The following PELI2 variants were observed in gnomAD, a reference collection of about 807,000 sequenced individuals.
The protein encoded by PELI2 is pellino E3 ubiquitin protein ligase family member 2.
Under a neutral mutation model 42.3 loss-of-function variants are expected in PELI2, and 23 were observed. That is an observed-to-expected ratio of 0.54 (90% confidence interval 0.39 to 0.77). The LOEUF (loss-of-function observed/expected upper bound fraction) is 0.77. Ranked by LOEUF, PELI2 falls within the 30% of genes least tolerant of loss-of-function variation. The pLI is 0.00. For synonymous variants in PELI2, 245 were observed against 212.2 expected, an observed-to-expected ratio of 1.15 and a Z score of -1.34; for missense variants, 463 against 553.2, an observed-to-expected ratio of 0.84 and a Z score of 1.64.
At chr14:56,246,972 G>C (rs1390286682) in intron 2 of PELI2, among the ~76,000 whole-genome samples, 2 of 152,202 alleles carry the variant, frequency 1.3e-5, no homozygotes, top group Non-Finnish European at 2.9e-5. Context: ...GTGGTAGTGT[G>C]ATACGAGAGT....
At chr14:56,162,734 A>G (rs752902518) in intron 1 of PELI2, among the ~76,000 whole-genome samples, 9 of 152,220 alleles carry the variant, frequency 5.9e-5, no homozygotes, top group Non-Finnish European at 1.2e-4. Flanking sequence ...ACAACAATGT[A>G]CAAGGGTTCC....
chr14:56,157,035 A>C (rs1389007089), intron 1 of PELI2, among the ~76,000 whole-genome samples: 7 of 152,242 alleles, frequency 4.6e-5, no homozygotes, highest in Non-Finnish European at 1.0e-4. Context: ...CATCCATGTA[A>C]AATATAACAT....
intron 1 of PELI2, among the ~76,000 whole-genome samples, chr14:56,170,705 A>G (rs766460263): frequency 6.6e-6 from 1 of 152,352 alleles, no homozygotes; most frequent in South Asian, 2.1e-4. Flanking sequence ...ATGTGAATTA[A>G]TATATGAACT....
intron 2 of PELI2, among the ~76,000 whole-genome samples, chr14:56,210,568 T>A (rs1886678430): frequency 6.6e-6 from 1 of 152,184 alleles, no homozygotes; most frequent in African/African-American, 2.4e-5. Flanking sequence ...AACAGGAGTT[T>A]GTGATCCCAT....
intron 2 of PELI2, among the ~76,000 whole-genome samples, chr14:56,181,456 C>T (rs1885577162): frequency 6.6e-6 from 1 of 151,424 alleles, no homozygotes; most frequent in African/African-American, 2.4e-5. Context: ...GTTTGTGTAC[C>T]CTGAGATTTT....
intron 2 of PELI2, among the ~76,000 whole-genome samples, chr14:56,214,855 C>T (rs980651717): frequency 2.6e-5 from 4 of 152,180 alleles, no homozygotes; most frequent in South Asian, 2.1e-4. Context: ...TCCACAGCCT[C>T]GGGAGAAATG....
intron 1 of PELI2, among the ~76,000 whole-genome samples, chr14:56,176,477 T>C (rs557211030): frequency 1.3e-5 from 2 of 152,294 alleles, no homozygotes; most frequent in South Asian, 4.1e-4. Context: ...ATAAAAGGCA[T>C]GCAGTTAACA....
intron 1 of PELI2, among the ~76,000 whole-genome samples, chr14:56,160,173 G>C (rs781410778): frequency 3.3e-5 from 5 of 152,090 alleles, no homozygotes; most frequent in South Asian, 2.1e-4. Context: ...TGTTAAGTGT[G>C]GTACTAATGA....
intron 2 of PELI2, among the ~76,000 whole-genome samples, chr14:56,245,403 A>G (rs1377597115): frequency 6.6e-6 from 1 of 152,216 alleles, no homozygotes; most frequent in Admixed American, 6.5e-5. Context: ...ATTTAAAAAT[A>G]TATTTTATCA....
chr14:56,200,170 G>A (rs1050561810), intron 2 of PELI2, among the ~76,000 whole-genome samples: 5 of 152,228 alleles, frequency 3.3e-5, no homozygotes, highest in Admixed American at 6.5e-5. Context: ...TGTAACAGAA[G>A]GTATTTCTTC....
In PELI2 at chr14:56,200,095, A is replaced by G. The variant is rs76694981; in HGVS notation, c.207+21631A>G. 7.7e-3 allele frequency among the ~76,000 whole-genome samples: 578 copies of G among 74,858 alleles called. 3 individuals carry two copies. The highest frequency in any genetic ancestry group is 0.019 in the African/African-American group (542 of 28,006). The allele number at this position is 74,858 out of a possible 152,430, so 49.1% of individuals were successfully genotyped here. A position where few individuals can be genotyped will look rare whatever the true frequency, so the allele number is the denominator to read the frequency against. On this transcript the variant is annotated intron_variant, in intron 2 of 5. Coordinates refer to ENST00000267460, the MANE Select transcript of PELI2 (RefSeq NM_021255.3). ...TTTAAAGACAGAATTCAAGGCCTCA[A>G]TATAACTGTTTACATTCTTTTTAAT...
rs938754512 is a variant in PELI2 at position 56,162,827 on chromosome 14, A to G, written c.78-15508A>G. On this transcript the variant is annotated intron_variant, in intron 1 of 5. Transcript: ENST00000267460. Reference sequence around the variant, plus strand: ...TTGAACTGGGGTGAAATGATATCTCATTGTAGTTTTTATTTGCATTTCTCT... The same window carrying G: ...TTGAACTGGGGTGAAATGATATCTCGTTGTAGTTTTTATTTGCATTTCTCT... 2.0e-5 allele frequency among the ~76,000 whole-genome samples: 3 copies of G among 152,068 alleles called. No homozygotes were observed. The South Asian group carries it at 6.2e-4, about 32-fold the overall frequency.
At chr14:56,169,873 A>T (rs991291593) in intron 1 of PELI2, among the ~76,000 whole-genome samples, 2 of 152,198 alleles carry the variant, frequency 1.3e-5, no homozygotes, top group Non-Finnish European at 2.9e-5. Flanking sequence ...CCATGCATAT[A>T]TGATAGGTTA....
chr14:56,123,495 T>G (rs902853776), intron 1 of PELI2, among the ~76,000 whole-genome samples: 2 of 152,162 alleles, frequency 1.3e-5, no homozygotes, highest in African/African-American at 4.8e-5. Context: ...CTGTGGGCTA[T>G]TAAGGGTTAC....
At chr14:56,186,694 A>G (rs1420264000) in intron 2 of PELI2, among the ~76,000 whole-genome samples, 1 of 152,160 alleles carries the variant, frequency 6.6e-6, no homozygotes, top group Non-Finnish European at 1.5e-5. Flanking sequence ...TAGAGCAGGA[A>G]AGCTTGACTC....
rs149819116 is a variant in PELI2 at position 56,286,524 on chromosome 14, A to C, written c.310-1913A>C. Among the ~76,000 whole-genome samples, 1,109 of 152,298 alleles carry C rather than the reference A, an allele frequency of 7.3e-3. 14 individuals carry two copies. Among genetic ancestry groups the C allele is most frequent in the African/African-American group, 0.025 (1,027 of 41,554 alleles). ...TATCACTGTAGCTAGTTATATGACT[A>C]CCGGCATTCTGTGACTATCACATGA... On this transcript the variant is annotated intron_variant, in intron 3 of 5. Transcript: ENST00000267460.
intron 2 of PELI2, among the ~76,000 whole-genome samples, chr14:56,202,624 G>T (rs1385810560): frequency 6.6e-6 from 1 of 152,206 alleles, no homozygotes; most frequent in Admixed American, 6.5e-5. Flanking sequence ...GCCAGCTGGA[G>T]TCTGGGAGTG....
In PELI2 at chr14:56,290,291, C is replaced by T. The variant is rs1404796450; in HGVS notation, c.531C>T (p.Asn177=). 4 of 1,597,368 alleles carry T rather than the reference C, an allele frequency of 2.5e-6. No homozygotes were observed. The highest frequency in any genetic ancestry group is 1.7e-4 in the Middle Eastern group (1 of 6,018). ...FLGEKAAKWK[N]PDGHMDGLTT... Reference sequence around the variant, plus strand: ...AGGAAAAGGCAGCAAAGTGGAAAAACCCCGACGGCCACATGGATGGGCTCA... The same window carrying T: ...AGGAAAAGGCAGCAAAGTGGAAAAATCCCGACGGCCACATGGATGGGCTCA... Residue 177 remains asparagine (N), a synonymous_variant, in exon 5 of 6, where the codon AAC becomes AAT. Transcript: ENST00000267460.
At chr14:56,170,397 T>G (rs1166430583) in intron 1 of PELI2, among the ~76,000 whole-genome samples, 2 of 152,218 alleles carry the variant, frequency 1.3e-5, no homozygotes, top group African/African-American at 4.8e-5. Flanking sequence ...AAATTCTTAT[T>G]GACAAATACA....
Sources: gnomAD v4.1 joint callset for allele counts (sites outside exome capture counted in the v4.1 genomes callset) on GRCh38, gnomAD v4.1.1 for gene constraint, MANE v1.5 for transcripts, NCBI Gene and HGNC (gene_info 2026-07-23, HGNC 2026-07-21) for gene names.